The following PTRH1 variants were observed in gnomAD, a reference collection of about 807,000 sequenced individuals.
The protein encoded by PTRH1 is peptidyl-tRNA hydrolase.
PTRH1 carries 13 observed loss-of-function variants against 15.7 expected under a neutral mutation model. The ratio of observed to expected loss-of-function variants is 0.83; its 90% CI spans 0.54 to 1.31. PTRH1 has a LOEUF of 1.31. Among genes scored for constraint, PTRH1 ranks in the 40% most tolerant of loss-of-function variants. The probability of loss-of-function intolerance (pLI) is 0.00; values close to 1 mark genes in which losing one functional copy is unlikely to be tolerated. For missense variants in PTRH1, 319 were observed against 296.2 expected, an observed-to-expected ratio of 1.08 and a Z score of -0.56; for synonymous variants, 139 against 136.7, an observed-to-expected ratio of 1.02 and a Z score of -0.12.
At chr9:127,711,817 C>A, downstream of PTRH1, 6 of 1,561,152 alleles carry the variant, frequency 3.8e-6, no homozygotes, top group Non-Finnish European at 4.3e-6. Context: ...TCCGCACCCG[C>A]AGATCATCCT....
chr9:127,707,328 C>T (rs1842669362), intron 1 of PTRH1: 1 of 874,206 alleles, frequency 1.1e-6, no homozygotes, highest in East Asian at 2.7e-5. Flanking sequence ...CCATCCCGAC[C>T]CCAGCCTCAT....
downstream of PTRH1, chr9:127,712,376 G>A (rs1287556173): frequency 5.0e-6 from 8 of 1,611,558 alleles, no homozygotes; most frequent in East Asian, 2.2e-5. Context: ...GAGGGAGGGC[G>A]CAAGGGGAGG....
Position 127,713,971 on chromosome 9 carries a change from C to G in PTRH1, c.*129G>C. 1 of 1,580,190 alleles carries G rather than the reference C, an allele frequency of 6.3e-7. No individual in the cohort carries two copies. The highest frequency in any genetic ancestry group is 1.3e-5 in the African/African-American group (1 of 74,236). On this transcript the variant is annotated 3_prime_UTR_variant, in exon 5 of 5. Coordinates refer to ENST00000543175, the MANE Select transcript of PTRH1 (RefSeq NM_001002913.3). The stretch of plus-strand genomic sequence containing the variant: ...AGTCACAGTCACCCCCACTTTAATC[C>G]GCAGGCAGCCTGGAACAGTCTAGAG...
At chr9:127,700,689 C>T (rs1190177544) in intron 1 of PTRH1, among the ~76,000 whole-genome samples, 1 of 152,184 alleles carries the variant, frequency 6.6e-6, no homozygotes. Context: ...AGGATTAAGT[C>T]ACACACTCCA....
chr9:127,712,159 G>A, downstream of PTRH1: 1 of 1,610,222 alleles, frequency 6.2e-7, no homozygotes, highest in Non-Finnish European at 8.5e-7. Context: ...CAGTCCTGGG[G>A]AAGGGGGAAG....
At chr9:127,707,317 C>G in intron 1 of PTRH1, 1 of 936,392 alleles carries the variant, frequency 1.1e-6, no homozygotes, top group African/African-American at 1.7e-5. Flanking sequence ...ATGTCCAGAC[C>G]CCATCCCGAC....
intron 1 of PTRH1, among the ~76,000 whole-genome samples, chr9:127,707,862 G>A (rs1412023307): frequency 1.3e-5 from 2 of 152,158 alleles, no homozygotes; most frequent in African/African-American, 2.4e-5. Flanking sequence ...ACCAGTAGGC[G>A]GCAGCTCTTC....
chr9:127,701,273 T>C (rs1842601339), intron 1 of PTRH1, among the ~76,000 whole-genome samples: 1 of 152,172 alleles, frequency 6.6e-6, no homozygotes, highest in African/African-American at 2.4e-5. Flanking sequence ...TTATAAATCA[T>C]GTGATTTTTT....
downstream of PTRH1, chr9:127,712,211 C>A: frequency 6.2e-7 from 1 of 1,613,870 alleles, no homozygotes; most frequent in Non-Finnish European, 8.5e-7. Context: ...GCCAGAGAGA[C>A]CAGCTGAGCC....
rs781114880 is a variant in PTRH1, at chr9:127,707,103, G to A, written c.205+8332C>T. ...TCAAGAAGAAAGGGGGCAAGAAGGA[G>A]CCGGTGGTGGCCGTGGAGCCGCCTC... On this transcript the variant is annotated intron_variant, in intron 1 of 2. Coordinates refer to the PTRH1 transcript ENST00000335223. 17 of 1,613,826 alleles carry A rather than the reference G, an allele frequency of 1.1e-5. No homozygotes were observed. The African/African-American group carries it at 2.1e-4, about 20-fold the overall frequency.
intron 1 of PTRH1, among the ~76,000 whole-genome samples, chr9:127,700,461 C>T (rs1842595244): frequency 1.3e-5 from 2 of 152,128 alleles, no homozygotes; most frequent in Admixed American, 6.6e-5. Flanking sequence ...ATGGAGTCCC[C>T]CTTGGCTAAG....
chr9:127,711,119 A>C, downstream of PTRH1: 7 of 1,305,788 alleles, frequency 5.4e-6, no homozygotes, highest in Non-Finnish European at 7.3e-6. Flanking sequence ...CCAGGGAGAG[A>C]GCATGCTGGT....
At chr9:127,712,885 T>C, downstream of PTRH1, 3 of 1,604,008 alleles carry the variant, frequency 1.9e-6, no homozygotes, top group Non-Finnish European at 2.6e-6. Flanking sequence ...GGTAAGCAAG[T>C]GGCCCTGTGT....
chr9:127,710,769 C>T (rs368488988), downstream of PTRH1: 231 of 1,557,198 alleles, frequency 1.5e-4, no homozygotes, highest in Admixed American at 2.7e-4. Flanking sequence ...GCAAGCGGGG[C>T]ACCCTTTGGG....
chr9:127,711,340 C>T, downstream of PTRH1: 1 of 1,614,216 alleles, frequency 6.2e-7, no homozygotes. Flanking sequence ...AGAACAACGG[C>T]ATTACCCTGC....
chr9:127,695,063 T>C (rs961203976), exon 2 of PTRH1: 1 of 676,288 alleles, frequency 1.5e-6, no homozygotes, highest in Non-Finnish European at 2.7e-6. Context: ...TTGATGATGA[T>C]GATGATGATG....
At chr9:127,697,001 G>A (rs1842566745) in intron 1 of PTRH1, among the ~76,000 whole-genome samples, 1 of 152,186 alleles carries the variant, frequency 6.6e-6, no homozygotes, top group Admixed American at 6.6e-5. Flanking sequence ...AAGAAAAAGA[G>A]TGGAAATAAA....
In PTRH1 at chr9:127,713,894, C is replaced by T. The variant is rs748804019; in HGVS notation, c.*206G>A. Reference sequence around the variant, plus strand: ...GTTTAGTCTTCCTGAAGTTCCCCTACGTCCCAAGTAGGACACAGAGAGAAG... The same window carrying T: ...GTTTAGTCTTCCTGAAGTTCCCCTATGTCCCAAGTAGGACACAGAGAGAAG... On this transcript the variant is annotated 3_prime_UTR_variant, in exon 5 of 5. Transcript: ENST00000543175. The T allele has an allele frequency of 1.7e-5, 27 of 1,613,808 alleles. No homozygotes were observed. Among genetic ancestry groups the T allele is most frequent in the Middle Eastern group, 1.6e-4 (1 of 6,084 alleles).
chr9:127,700,530 A>G (rs1045492264), intron 1 of PTRH1, among the ~76,000 whole-genome samples: 2 of 152,210 alleles, frequency 1.3e-5, no homozygotes, highest in Non-Finnish European at 2.9e-5. Flanking sequence ...GGGGTCAGAC[A>G]TGCCTCATGA....
Sources: allele counts gnomAD v4.1 joint callset (sites outside exome capture counted in the v4.1 genomes callset), GRCh38; gene constraint gnomAD v4.1.1; transcripts MANE v1.5; gene names NCBI Gene and HGNC (gene_info 2026-07-23, HGNC 2026-07-21).